XRCC4: variants seen among roughly 807,000 people sequenced by gnomAD.
XRCC4 encodes the protein X-ray repair cross complementing 4.
A neutral mutation model predicts 39.1 loss-of-function variants in XRCC4; 28 were observed. That is an observed-to-expected ratio of 0.72 (90% CI 0.53 to 0.98). The LOEUF is 0.98. Ranked by LOEUF, XRCC4 falls within the 50% of genes least tolerant of loss-of-function variation. XRCC4 has a pLI of 0.00. For synonymous variants in XRCC4, 123 were observed against 126.4 expected, an observed-to-expected ratio of 0.97 and a Z score of 0.18; for missense variants, 350 against 376.4, an observed-to-expected ratio of 0.93 and a Z score of 0.58.
At chr5:83,209,935 C>T (rs1751576077) in intron 6 of XRCC4, among the ~76,000 whole-genome samples, 1 of 152,032 alleles carries the variant, frequency 6.6e-6, no homozygotes, top group Admixed American at 6.6e-5. Flanking sequence ...TTAATTAATC[C>T]TGCTTCTTAA....
At chr5:83,114,359 G>A (rs888749329) in intron 3 of XRCC4, among the ~76,000 whole-genome samples, 2 of 152,122 alleles carry the variant, frequency 1.3e-5, no homozygotes, top group Non-Finnish European at 2.9e-5. Flanking sequence ...GCATCGTCAG[G>A]CTGCAAATTT....
rs1748057491 is a variant in XRCC4 at position 83,139,401 on chromosome 5, A to T, written c.315+28198A>T. On this transcript the variant is annotated intron_variant, in intron 3 of 7. Coordinates refer to ENST00000396027, the MANE Select transcript of XRCC4 (RefSeq NM_003401.5). ...TTACTGTGGGTGATATTAACTTTGA[A>T]TACTTGCTTGAGGTTTTGTTTGCTA... Among the ~76,000 whole-genome samples the T allele has an allele frequency of 2.6e-5, 4 of 152,194 alleles. No homozygotes were observed. In the South Asian group the frequency reaches 8.3e-4, roughly 31 times the overall value.
chr5:83,250,858 G>A (rs1454588492), intron 6 of XRCC4, among the ~76,000 whole-genome samples: 6 of 152,160 alleles, frequency 3.9e-5, no homozygotes, highest in Admixed American at 3.3e-4. Flanking sequence ...ATTTGACAAT[G>A]GAAAAGAAAA....
intron 7 of XRCC4, among the ~76,000 whole-genome samples, chr5:83,351,676 T>C (rs1477172940): frequency 6.6e-6 from 1 of 152,196 alleles, no homozygotes; most frequent in Admixed American, 6.5e-5. Context: ...GTACTTGTCA[T>C]CTTGAATGCA....
chr5:83,281,731 T>G (rs1352564142), intron 7 of XRCC4, among the ~76,000 whole-genome samples: 8 of 152,184 alleles, frequency 5.3e-5, no homozygotes, highest in African/African-American at 1.9e-4. Context: ...CTCTAACCAC[T>G]TTTTTATGTT....
At chr5:83,210,985 G>A (rs1281255696) in intron 6 of XRCC4, among the ~76,000 whole-genome samples, 3 of 152,132 alleles carry the variant, frequency 2.0e-5, no homozygotes, top group African/African-American at 7.2e-5. Flanking sequence ...TTTGGGGGGA[G>A]ACAAAAATTA....
chr5:83,297,110 T>C (rs1755120893), intron 7 of XRCC4, among the ~76,000 whole-genome samples: 1 of 151,874 alleles, frequency 6.6e-6, no homozygotes, highest in African/African-American at 2.4e-5. Context: ...AATGCAGAAT[T>C]TCCTAACAAA....
the XRCC4 span, among the ~76,000 whole-genome samples, chr5:83,373,198 C>T: frequency 1.4e-4 from 21 of 152,008 alleles, no homozygotes; most frequent in Admixed American, 1.2e-3. Flanking sequence ...GTTTCTAATC[C>T]GTCTGCCCTT....
intron 3 of XRCC4, among the ~76,000 whole-genome samples, chr5:83,145,446 T>A (rs1429871142): frequency 1.3e-5 from 2 of 152,204 alleles, no homozygotes; most frequent in African/African-American, 4.8e-5. Flanking sequence ...GTTTTCTGAG[T>A]CAGTTAACTT....
At chr5:83,149,415 A>T (rs1380525508) in intron 3 of XRCC4, among the ~76,000 whole-genome samples, 2 of 151,988 alleles carry the variant, frequency 1.3e-5, no homozygotes, top group Non-Finnish European at 2.9e-5. Flanking sequence ...ATTATGTGTT[A>T]TACTTTTGTA....
chr5:83,193,489 C>A (rs1750802292), intron 3 of XRCC4, among the ~76,000 whole-genome samples: 2 of 152,056 alleles, frequency 1.3e-5, no homozygotes, highest in Non-Finnish European at 2.9e-5. Flanking sequence ...TGATTAGCTG[C>A]AAAAAGATCT....
At chr5:83,334,423 A>C (rs1186241915) in intron 7 of XRCC4, among the ~76,000 whole-genome samples, 1 of 152,128 alleles carries the variant, frequency 6.6e-6, no homozygotes, top group Non-Finnish European at 1.5e-5. Context: ...TGTGGTTTAC[A>C]ATATGGGCAT....
At chr5:83,086,632 G>A (rs999751461) in intron 1 of XRCC4, among the ~76,000 whole-genome samples, 5 of 152,016 alleles carry the variant, frequency 3.3e-5, no homozygotes, top group Admixed American at 1.3e-4. Flanking sequence ...TAGAGGAGGT[G>A]GAAGAGGAGG....
At chr5:83,081,135 A>G (rs1359874065) in intron 1 of XRCC4, among the ~76,000 whole-genome samples, 3 of 152,206 alleles carry the variant, frequency 2.0e-5, no homozygotes, top group Non-Finnish European at 4.4e-5. Context: ...ACCCTTGGAT[A>G]AGGAGAGGAC....
intron 3 of XRCC4, among the ~76,000 whole-genome samples, chr5:83,171,256 C>G (rs1259758294): frequency 6.6e-6 from 1 of 152,130 alleles, no homozygotes; most frequent in Admixed American, 6.6e-5. Context: ...CTTTTGCAAA[C>G]AACTGATCTT....
intron 1 of XRCC4, 182 bp downstream of exon 1, chr5:83,077,797 AG>A (rs780995214): frequency 6.1e-5 from 10 of 164,172 alleles, no homozygotes; most frequent in Admixed American, 1.2e-4. Flanking sequence ...TGGGGATGCT[AG>A]GGTTCTCGGC....
intron 3 of XRCC4, among the ~76,000 whole-genome samples, chr5:83,115,295 C>T (rs185748336): frequency 1.6e-4 from 25 of 152,210 alleles, no homozygotes; most frequent in South Asian, 8.3e-4. Flanking sequence ...TGCATGGTGG[C>T]GCATACCTGT....
chr5:83,130,518 T>G (rs1303627663), intron 3 of XRCC4, among the ~76,000 whole-genome samples: 1 of 152,188 alleles, frequency 6.6e-6, no homozygotes, highest in African/African-American at 2.4e-5. Flanking sequence ...CTTTTTTTAT[T>G]GATTGGAGTA....
In XRCC4 at chr5:83,111,147, A is replaced by G; in HGVS notation, c.259A>G (p.Asn87Asp). ...GAGPADVYTFNFSKESCYFFF... is the reference protein window; with the variant it reads ...GAGPADVYTFDFSKESCYFFF... ...AGGACCAGCTGATGTATACACGTTT[A>G]ATTTTTCTAAAGAGTCTTGTTATTT... Residue 87 changes from asparagine (N) to aspartate (D), a missense_variant, in exon 3 of 8, where the codon AAT (asparagine) becomes GAT (aspartate). Coordinates refer to ENST00000396027, the MANE Select transcript of XRCC4 (RefSeq NM_003401.5). The G allele has an allele frequency of 6.2e-7, 1 of 1,604,550 alleles. No homozygotes were observed. Among genetic ancestry groups the G allele is most frequent in the Non-Finnish European group, 8.5e-7 (1 of 1,176,742 alleles).
Sources: allele counts gnomAD v4.1 joint callset (sites outside exome capture counted in the v4.1 genomes callset), GRCh38; gene constraint gnomAD v4.1.1; transcripts MANE v1.5; gene names NCBI Gene and HGNC (gene_info 2026-07-23, HGNC 2026-07-21).